KIAA1217: variants seen among roughly 807,000 people sequenced by gnomAD.
KIAA1217 encodes the protein sickle tail protein homolog.
KIAA1217 carries 88 observed loss-of-function variants against 163.9 expected under a neutral mutation model. The observed-to-expected ratio is 0.54, with a 90% confidence interval of 0.45 to 0.64. The LOEUF (loss-of-function observed/expected upper bound fraction) is 0.64. Among genes scored for constraint, KIAA1217 ranks in the 30% least tolerant of loss-of-function variants. The probability of loss-of-function intolerance (pLI) is 0.00; values close to 1 mark genes in which losing one functional copy is unlikely to be tolerated. For synonymous variants in KIAA1217, 903 were observed against 923.1 expected (o/e 0.98, Z 0.39); for missense variants, 2,372 against 2,475.0 (o/e 0.96, Z 0.88).
chr10:24,458,415 C>G (rs1392591855), intron 5 of KIAA1217, among the ~76,000 whole-genome samples: 1 of 152,120 alleles, frequency 6.6e-6, no homozygotes, highest in Non-Finnish European at 1.5e-5. Flanking sequence ...GTCTATTTGA[C>G]CCTTCTCTTG....
intron 1 of KIAA1217, among the ~76,000 whole-genome samples, chr10:23,988,504 G>A (rs1846078967): frequency 6.6e-6 from 1 of 152,058 alleles, no homozygotes; most frequent in South Asian, 2.1e-4. Context: ...TAGAATAACT[G>A]GAGAGTTTAT....
intron 2 of KIAA1217, among the ~76,000 whole-genome samples, chr10:24,370,943 G>A (rs544156394): frequency 1.3e-5 from 2 of 152,318 alleles, no homozygotes; most frequent in East Asian, 3.9e-4. Flanking sequence ...AAAATTGCAT[G>A]AACGTATTTC....
intron 2 of KIAA1217, among the ~76,000 whole-genome samples, chr10:24,242,935 G>GT (rs986945294): frequency 6.6e-6 from 1 of 152,028 alleles, no homozygotes; most frequent in African/African-American, 2.4e-5. Context: ...TAATGGGGTT[G>GT]TTTTTTGCTT....
chr10:24,519,914 C>A (rs541073449), intron 10 of KIAA1217, among the ~76,000 whole-genome samples: 1 of 152,150 alleles, frequency 6.6e-6, no homozygotes, highest in African/African-American at 2.4e-5. Context: ...CCTGGAAAAC[C>A]CTCCTTGTAC....
At chr10:23,733,584 T>C (rs917579400) in intron 1 of KIAA1217, among the ~76,000 whole-genome samples, 5 of 152,222 alleles carry the variant, frequency 3.3e-5, no homozygotes, top group African/African-American at 1.2e-4. Flanking sequence ...GTTGTTATGC[T>C]GTGTTTGTTT....
intron 2 of KIAA1217, among the ~76,000 whole-genome samples, chr10:24,097,078 C>A (rs1367120624): frequency 6.6e-6 from 1 of 152,086 alleles, no homozygotes; most frequent in East Asian, 1.9e-4. Context: ...GTGTTAAAAG[C>A]ATTAACATGG....
At chr10:23,709,564 T>TTCCTTTCATCCGAATGCCCC in intron 1 of KIAA1217, among the ~76,000 whole-genome samples, 1 of 151,890 alleles carries the variant, frequency 6.6e-6, no homozygotes, top group Non-Finnish European at 1.5e-5. Context: ...AAATAGAAAC[T>TTCCTTTCATCCGAATGCCCC]TCCTTTCATC....
intron 1 of KIAA1217, among the ~76,000 whole-genome samples, chr10:23,749,435 CAG>C (rs756500506): frequency 1.6e-4 from 25 of 151,532 alleles, no homozygotes; most frequent in South Asian, 6.2e-4. Flanking sequence ...TTTTTTGAGA[CAG>C]AGTTTCTATC....
At chr10:24,382,271 CA>C (rs1313102277) in intron 3 of KIAA1217, among the ~76,000 whole-genome samples, 7 of 151,938 alleles carry the variant, frequency 4.6e-5, no homozygotes, top group African/African-American at 1.7e-4. Flanking sequence ...CTAGCACGTG[CA>C]AAAGACAGCT....
chr10:23,851,975 C>T (rs1162439297), intron 1 of KIAA1217, among the ~76,000 whole-genome samples: 4 of 151,956 alleles, frequency 2.6e-5, no homozygotes, highest in Non-Finnish European at 5.9e-5. Flanking sequence ...CCTGTTCACT[C>T]CGATGGTAGT....
At chr10:23,711,705 C>A (rs1237193649) in intron 1 of KIAA1217, among the ~76,000 whole-genome samples, 2 of 152,140 alleles carry the variant, frequency 1.3e-5, no homozygotes, top group Non-Finnish European at 2.9e-5. Context: ...GACAAAGTAA[C>A]CCTGTTCACC....
At chr10:24,374,887 C>A (rs1227278191) in intron 2 of KIAA1217, among the ~76,000 whole-genome samples, 1 of 152,150 alleles carries the variant, frequency 6.6e-6, no homozygotes, top group African/African-American at 2.4e-5. Context: ...CGGGCTCAAG[C>A]CATCCTCCTG....
At chr10:24,180,654 C>T (rs192581999) in intron 2 of KIAA1217, among the ~76,000 whole-genome samples, 1 of 152,296 alleles carries the variant, frequency 6.6e-6, no homozygotes, top group Non-Finnish European at 1.5e-5. Flanking sequence ...TCTCCCCAGA[C>T]CTCCAGCTAT....
Position 24,524,452 on chromosome 10 carries a change from C to T in KIAA1217, c.2586C>T (p.Pro862=), listed in dbSNP as rs763604270. 14 of 1,614,084 alleles carry T rather than the reference C, an allele frequency of 8.7e-6. No homozygotes were observed. Among genetic ancestry groups the T allele is most frequent in the African/African-American group, 1.3e-5 (1 of 74,938 alleles). The stretch of plus-strand genomic sequence containing the variant: ...AGGCAGCCCACACCTCCGGCCAGCC[C>T]TTCCACAGCACAGGTGCCCCTGGCG... ...QEEAAHTSGQ[P]FHSTGAPGDA... Residue 862 remains proline, a synonymous_variant, in exon 13 of 21, where the codon CCC becomes CCT. Coordinates refer to ENST00000376454, the MANE Select transcript of KIAA1217 (RefSeq NM_019590.5).
intron 1 of KIAA1217, among the ~76,000 whole-genome samples, chr10:23,977,828 G>C (rs750292183): frequency 2.0e-5 from 3 of 152,208 alleles, no homozygotes; most frequent in Non-Finnish European, 4.4e-5. Context: ...ACCAGGAGGA[G>C]CAGCTCAGAC....
intron 1 of KIAA1217, among the ~76,000 whole-genome samples, chr10:23,980,088 G>T (rs1845702097): frequency 6.6e-6 from 1 of 152,022 alleles, no homozygotes; most frequent in African/African-American, 2.4e-5. Context: ...AGTGTTCCTT[G>T]GTCCTTTGCA....
chr10:23,933,250 T>A (rs1189830767), intron 1 of KIAA1217, among the ~76,000 whole-genome samples: 2 of 152,190 alleles, frequency 1.3e-5, no homozygotes, highest in African/African-American at 4.8e-5. Flanking sequence ...GAATAGAGTT[T>A]CAGACCAAAT....
chr10:24,117,049 T>TCG (rs2063082995), intron 2 of KIAA1217, among the ~76,000 whole-genome samples: 2 of 148,698 alleles, frequency 1.3e-5, no homozygotes, highest in Admixed American at 6.7e-5. Context: ...TTTTTTTGGG[T>TCG]GGGGGGGGAT....
chr10:23,878,407 G>T (rs550021294), intron 1 of KIAA1217, among the ~76,000 whole-genome samples: 1 of 151,834 alleles, frequency 6.6e-6, no homozygotes. Flanking sequence ...AGAGGGATTT[G>T]TTTGCTAGGA....
Sources: gnomAD v4.1 joint callset for allele counts (sites outside exome capture counted in the v4.1 genomes callset) on GRCh38, gnomAD v4.1.1 for gene constraint, MANE v1.5 for transcripts, NCBI Gene and HGNC (gene_info 2026-07-23, HGNC 2026-07-21) for gene names.